Variants in SOX6 observed in about 807,000 individuals in gnomAD.
SOX6 encodes the protein SRY-box transcription factor 6.
SOX6 carries 11 observed loss-of-function variants against 97.8 expected under a neutral mutation model. The ratio of observed to expected loss-of-function variants is 0.11; its 90% CI spans 0.07 to 0.19. SOX6 has a LOEUF of 0.19. SOX6 is among the 10% of genes least tolerant of loss of function. SOX6 has a pLI of 1.00. For synonymous variants in SOX6, 360 were observed against 371.4 expected (o/e 0.97, Z 0.35); for missense variants, 810 against 1,039.5 (o/e 0.78, Z 3.04).
intron 2 of SOX6, among the ~76,000 whole-genome samples, chr11:16,728,744 CAGA>C (rs1310402462): frequency 5.3e-5 from 8 of 152,126 alleles, no homozygotes; most frequent in Admixed American, 3.9e-4. Context: ...GATGAACTGA[CAGA>C]AGTAGGTTTC....
intron 13 of SOX6, among the ~76,000 whole-genome samples, chr11:16,002,287 C>G (rs1258469045): frequency 3.3e-5 from 5 of 152,146 alleles, no homozygotes; most frequent in Non-Finnish European, 7.3e-5. Flanking sequence ...TTGTGGTGAG[C>G]TGATGCATGT....
At chr11:16,642,967 T>G (rs1432128690) in intron 3 of SOX6, among the ~76,000 whole-genome samples, 1 of 152,222 alleles carries the variant, frequency 6.6e-6, no homozygotes. Context: ...GGAGGTGCGT[T>G]CCTTTGGAGG....
Position 16,516,652 on chromosome 11 carries a change from C to T in SOX6, n.610-40264G>A, listed in dbSNP as rs533131506. 1.3e-3 allele frequency among the ~76,000 whole-genome samples: 196 copies of T among 150,822 alleles called. 1 individual carries two copies. Among genetic ancestry groups the T allele is most frequent in the Middle Eastern group, 0.01 (3 of 292 alleles). On this transcript the variant is annotated intron_variant and non_coding_transcript_variant, in intron 4 of 5. Transcript: ENST00000524520. ...GGAAGAAGTTGAATCTCTGAATAGA[C>T]CAATAACAGGATCTGAAATTGTGGC...
chr11:16,539,277 C>G (rs987655662), intron 4 of SOX6, among the ~76,000 whole-genome samples: 2 of 152,066 alleles, frequency 1.3e-5, no homozygotes, highest in Non-Finnish European at 2.9e-5. Flanking sequence ...CCAATGAGAA[C>G]AAAGACACAA....
At chr11:16,490,938 T>C (rs970110142) in intron 4 of SOX6, among the ~76,000 whole-genome samples, 3 of 152,160 alleles carry the variant, frequency 2.0e-5, no homozygotes, top group African/African-American at 4.8e-5. Context: ...ACCATGATTC[T>C]TATTAATAAA....
chr11:16,019,825 C>T (rs1855000662), intron 12 of SOX6, among the ~76,000 whole-genome samples: 2 of 151,928 alleles, frequency 1.3e-5, no homozygotes, highest in Admixed American at 1.3e-4. Context: ...TGTGTGTATT[C>T]CTGACGCAGA....
At chr11:16,203,339 A>T (rs890767781) in intron 4 of SOX6, among the ~76,000 whole-genome samples, 1 of 151,488 alleles carries the variant, frequency 6.6e-6, no homozygotes, top group African/African-American at 2.4e-5. Context: ...GAGAAAAAGT[A>T]ACTCAAGCAT....
At position 16,511,039 on chromosome 11, in the gene SOX6, C is replaced by T. The variant is rs115642299; in HGVS notation, n.610-34651G>A. Among the ~76,000 whole-genome samples, 504 of 152,014 alleles carry T rather than the reference C, an allele frequency of 3.3e-3. 5 individuals carry two copies. Among genetic ancestry groups the T allele is most frequent in the African/African-American group, 0.011 (455 of 41,484 alleles). On this transcript the variant is annotated intron_variant and non_coding_transcript_variant, in intron 4 of 5. Transcript: ENST00000524520. ...TGGGGAAAAGGGAAGGATACTAAGA[C>T]GAAAAAACTAAGTTTCCAAGGAAAT...
chr11:16,502,715 G>T (rs1215149394), intron 4 of SOX6, among the ~76,000 whole-genome samples: 1 of 152,182 alleles, frequency 6.6e-6, no homozygotes, highest in Non-Finnish European at 1.5e-5. Flanking sequence ...TATGTGATCT[G>T]TGGGACACCA....
chr11:16,451,421 G>A (rs1484722502), intron 1 of SOX6, among the ~76,000 whole-genome samples: 1 of 152,070 alleles, frequency 6.6e-6, no homozygotes, highest in Non-Finnish European at 1.5e-5. Context: ...ACTGAAGATT[G>A]GATGTCTGCT....
chr11:16,398,790 C>A (rs1858445106), intron 1 of SOX6, among the ~76,000 whole-genome samples: 2 of 144,230 alleles, frequency 1.4e-5, no homozygotes, highest in African/African-American at 5.1e-5. Context: ...TGTTCATAAC[C>A]AGAATTAAGG....
intron 1 of SOX6, among the ~76,000 whole-genome samples, chr11:16,377,058 CAG>C (rs1009616150): frequency 2.0e-5 from 3 of 151,368 alleles, no homozygotes; most frequent in Admixed American, 6.6e-5. Flanking sequence ...TTGTTAGTTA[CAG>C]AGTTATTGAA....
intron 7 of SOX6, among the ~76,000 whole-genome samples, chr11:16,103,872 G>T (rs1849010403): frequency 6.6e-6 from 1 of 151,442 alleles, no homozygotes; most frequent in South Asian, 2.1e-4. Flanking sequence ...GGGATTGGGG[G>T]AAAGGTTGGG....
intron 3 of SOX6, among the ~76,000 whole-genome samples, chr11:16,650,225 T>C (rs948526462): frequency 2.6e-5 from 4 of 152,124 alleles, no homozygotes; most frequent in African/African-American, 4.8e-5. Flanking sequence ...AGACCGGTCA[T>C]CAACACAGAA....
intron 2 of SOX6, among the ~76,000 whole-genome samples, chr11:16,729,870 G>A (rs1028073019): frequency 1.3e-5 from 2 of 151,834 alleles, no homozygotes; most frequent in Admixed American, 6.6e-5. Context: ...AAGGGATAGA[G>A]GAATATTTAC....
At chr11:16,337,942 G>C (rs1192808385) in intron 2 of SOX6, among the ~76,000 whole-genome samples, 1 of 151,976 alleles carries the variant, frequency 6.6e-6, no homozygotes, top group Non-Finnish European at 1.5e-5. Context: ...TAATCAGGAA[G>C]TGGGAATTAG....
chr11:16,078,945 T>C (rs2133952155), intron 9 of SOX6, among the ~76,000 whole-genome samples: 1 of 152,296 alleles, frequency 6.6e-6, no homozygotes, highest in Middle Eastern at 3.4e-3. Context: ...AGAGGTAATA[T>C]GTCAGGTGTC....
At chr11:16,153,655 G>A (rs1378513725) in intron 6 of SOX6, among the ~76,000 whole-genome samples, 4 of 152,130 alleles carry the variant, frequency 2.6e-5, no homozygotes, top group Non-Finnish European at 4.4e-5. Flanking sequence ...ATAATTGGCA[G>A]TAATGACCAT....
Position 16,283,089 on chromosome 11 carries a change from G to GTATATATATATATATATATATATA in SOX6, c.445+35333_445+35356dup, listed in dbSNP as rs10581083. ...TATATATGTAAATTATATATAATTT[G>GTATATATATATATATATATATATA]TATATATATATATATATATATATAT... On this transcript the variant is annotated intron_variant, in intron 3 of 15. Transcript: ENST00000683767. 2.1e-3 allele frequency among the ~76,000 whole-genome samples: 240 copies of GTATATATATATATATATATATATA among 113,624 alleles called. 4 individuals are homozygous for GTATATATATATATATATATATATA. The highest frequency in any genetic ancestry group is 2.7e-3 in the Non-Finnish European group (151 of 56,584). The allele number at this position is 113,624 out of a possible 152,430, so 74.5% of individuals were successfully genotyped here.
Sources: allele counts gnomAD v4.1 joint callset (sites outside exome capture counted in the v4.1 genomes callset), GRCh38; gene constraint gnomAD v4.1.1; transcripts MANE v1.5; gene names NCBI Gene and HGNC (gene_info 2026-07-23, HGNC 2026-07-21).